The following EVC variants were observed in gnomAD, a reference collection of about 807,000 sequenced individuals.
The protein encoded by EVC is EvC ciliary complex subunit 1, also known as evC complex member EVC.
Under a neutral mutation model 118.9 loss-of-function variants are expected in EVC, and 116 were observed. That is an observed-to-expected ratio of 0.98 (90% confidence interval 0.84 to 1.14). The LOEUF (loss-of-function observed/expected upper bound fraction) is 1.14. EVC is among the 50% of genes most tolerant of loss of function. The pLI is 0.00. For missense variants in EVC, 1,401 were observed against 1,246.4 expected, an observed-to-expected ratio of 1.12 and a Z score of -1.87; for synonymous variants, 619 against 534.7, an observed-to-expected ratio of 1.16 and a Z score of -2.18.
chr4:5,785,768 C>T (rs1560405922), intron 12 of EVC, among the ~76,000 whole-genome samples: 1 of 152,226 alleles, frequency 6.6e-6, no homozygotes, highest in African/African-American at 2.4e-5. Context: ...TTTCCAGCAA[C>T]AATAATGCAG....
chr4:5,751,363 C>T (rs1019552098), intron 8 of EVC, among the ~76,000 whole-genome samples: 1 of 152,204 alleles, frequency 6.6e-6, no homozygotes, highest in Non-Finnish European at 1.5e-5. Flanking sequence ...AATATAAGCA[C>T]ATCGATTGCA....
intron 1 of EVC, among the ~76,000 whole-genome samples, chr4:5,716,702 T>C (rs1049769277): frequency 6.6e-6 from 1 of 152,240 alleles, no homozygotes; most frequent in African/African-American, 2.4e-5. Context: ...AGGCGACTAT[T>C]ACCTTCTTGC....
chr4:5,741,319 A>G (rs1728534408), intron 5 of EVC, among the ~76,000 whole-genome samples: 1 of 152,214 alleles, frequency 6.6e-6, no homozygotes, highest in Non-Finnish European at 1.5e-5. Context: ...GACATGGATA[A>G]CTTTTCATTT....
the EVC span, chr4:5,825,403 A>AGGCCACGTGTCCAT: frequency 6.7e-7 from 1 of 1,487,248 alleles, no homozygotes; most frequent in South Asian, 1.5e-5. The surrounding 1 kb of genome is among the most constrained non-coding windows in gnomAD (Gnocchi z 4.4). Flanking sequence ...CTAGTGTCCA[A>AGGCCACGTGTCCAT]GGCCACGTGT....
intron 11 of EVC, among the ~76,000 whole-genome samples, chr4:5,761,789 T>C (rs1732067130): frequency 1.3e-5 from 2 of 151,736 alleles, no homozygotes; most frequent in African/African-American, 4.9e-5. Context: ...GTACAATGAG[T>C]TGTGTTCCAC....
chr4:5,736,280 TACACACAC>T (rs10556213), intron 5 of EVC, among the ~76,000 whole-genome samples: 1 of 149,422 alleles, frequency 6.7e-6, no homozygotes, highest in Admixed American at 6.7e-5. Flanking sequence ...TGCATAGAAC[TACACACAC>T]ACACACACAC....
rs1002950311 is a variant in EVC at position 5,756,832 on chromosome 4, C to T, written c.1563+470C>T. Among the ~76,000 whole-genome samples, 1 of 152,120 alleles carries T rather than the reference C, an allele frequency of 6.6e-6. No individual in the cohort carries two copies. Among genetic ancestry groups the T allele is most frequent in the Non-Finnish European group, 1.5e-5 (1 of 68,026 alleles). ...TGGCCATGCTTGCCCTGCAGGGTGA[C>T]TTTCAGAGAGCAGGAGAGGGCACCT... is the stretch of plus-strand genomic sequence containing the variant. On this transcript the variant is annotated intron_variant, in intron 11 of 20. Coordinates refer to ENST00000264956, the MANE Select transcript of EVC (RefSeq NM_153717.3). The surrounding 1 kb of genome is among the most constrained non-coding windows in gnomAD (Gnocchi z 4.2).
At chr4:5,729,440 C>A in intron 3 of EVC, 50 bp downstream of exon 3, 1 of 1,539,122 alleles carries the variant, frequency 6.5e-7, no homozygotes, top group Non-Finnish European at 9.0e-7. Flanking sequence ...CCGTCATGTG[C>A]CAGAGATTGG....
chr4:5,718,466 T>C (rs924972430), intron 1 of EVC, among the ~76,000 whole-genome samples: 1 of 151,748 alleles, frequency 6.6e-6, no homozygotes, highest in Non-Finnish European at 1.5e-5. Context: ...TTCTGCACTG[T>C]GTTTGGTGGT....
At chr4:5,720,358 G>A (rs747640983) in intron 2 of EVC, among the ~76,000 whole-genome samples, 2 of 152,136 alleles carry the variant, frequency 1.3e-5, no homozygotes, top group African/African-American at 2.4e-5. Flanking sequence ...TGAGGAAGCC[G>A]AGGCTCAGAG....
At chr4:5,774,167 C>A (rs1734390485) in intron 11 of EVC, among the ~76,000 whole-genome samples, 1 of 151,822 alleles carries the variant, frequency 6.6e-6, no homozygotes, top group Non-Finnish European at 1.5e-5. Flanking sequence ...TCCTACTGGG[C>A]CACCTGCCCA....
chr4:5,752,850 GA>G lies in EVC; in HGVS notation c.1114del (p.Thr372ArgfsTer10). 1 of 1,614,232 alleles carries G rather than the reference GA, an allele frequency of 6.2e-7. No individual in the cohort carries two copies. The highest frequency in any genetic ancestry group is 8.5e-7 in the Non-Finnish European group (1 of 1,180,032). ...TCTTTTTGCAGGACGCCCTGGAGAGGACGATGGGGCGGGCGCACATGGCAAA... is the reference window on the plus strand; with the variant it reads ...TCTTTTTGCAGGACGCCCTGGAGAGGCGATGGGGCGGGCGCACATGGCAAA... ...ELQALDALERTMGRAHMAKVI... is the reference protein window; with the variant it reads ...ELQALDALERXMGRAHMAKVI... On this transcript the variant is annotated frameshift_variant, in exon 9 of 21. Transcript: ENST00000264956. LOFTEE classifies it high-confidence loss of function.
intron 8 of EVC, among the ~76,000 whole-genome samples, chr4:5,752,018 C>G (rs1161121538): frequency 2.0e-5 from 3 of 152,170 alleles, no homozygotes; most frequent in Admixed American, 6.5e-5. Flanking sequence ...TCTGAAAGGT[C>G]CGCTGTTCTG....
chr4:5,771,905 A>ATTTTTTTTTTTTTTTTTTTTTTTTTT (rs1734032851), intron 11 of EVC, among the ~76,000 whole-genome samples: 1 of 151,430 alleles, frequency 6.6e-6, no homozygotes. Flanking sequence ...TTTTATTATT[A>ATTTTTTTTTTTTTTTTTTTTTTTTTT]TTATTATTAT....
intron 6 of EVC, 60 bp downstream of exon 6, chr4:5,741,874 C>G (rs1453621415): frequency 2.3e-6 from 2 of 882,824 alleles, no homozygotes; most frequent in Non-Finnish European, 3.5e-6. Flanking sequence ...ATATATACAA[C>G]TTATGATGCA....
intron 5 of EVC, among the ~76,000 whole-genome samples, chr4:5,734,122 G>C (rs867212791): frequency 6.6e-6 from 1 of 152,164 alleles, no homozygotes; most frequent in Non-Finnish European, 1.5e-5. Context: ...AGAGAGAGGA[G>C]TCCCACTTTA....
intron 12 of EVC, among the ~76,000 whole-genome samples, chr4:5,784,898 G>A (rs1736192674): frequency 6.6e-6 from 1 of 152,128 alleles, no homozygotes; most frequent in Non-Finnish European, 1.5e-5. Flanking sequence ...ATGAGCCACT[G>A]TGCCCAGCCC....
intron 11 of EVC, among the ~76,000 whole-genome samples, chr4:5,781,189 A>G (rs549860640): frequency 6.6e-6 from 1 of 152,304 alleles, no homozygotes; most frequent in African/African-American, 2.4e-5. Context: ...GGAACATGTG[A>G]GGAGAGTTCC....
chr4:5,769,658 G>A (rs4688958), intron 11 of EVC, among the ~76,000 whole-genome samples: 58,605 of 151,830 alleles, frequency 0.39, 11,682 homozygotes, highest in Middle Eastern at 0.51. Context: ...GGGCCACACA[G>A]CCCACCTGTT....
Sources: gnomAD v4.1 joint callset for allele counts (sites outside exome capture counted in the v4.1 genomes callset) on GRCh38, gnomAD v4.1.1 for gene constraint, Gnocchi (gnomAD v3.1) non-coding constraint, MANE v1.5 for transcripts, NCBI Gene and HGNC (gene_info 2026-07-23, HGNC 2026-07-21) for gene names.